Variants in OR1B1 observed in about 807,000 individuals in gnomAD.
OR1B1 encodes the protein olfactory receptor family 1 subfamily B member 1, also known as olfactory receptor 1B1.
For missense variants in OR1B1, 414 were observed against 402.1 expected (o/e 1.03, Z -0.25); for synonymous variants, 168 against 156.2 (o/e 1.08, Z -0.57).
chr9:122,628,670 G>T, exon 1 of OR1B1: 1 of 1,613,976 alleles, frequency 6.2e-7, no homozygotes, highest in Non-Finnish European at 8.5e-7. Flanking sequence ...GTTGGCCAAA[G>T]GTGTAATGGC....
the OR1B1 span, among the ~76,000 whole-genome samples, chr9:122,649,336 G>C: frequency 6.6e-6 from 1 of 152,158 alleles, no homozygotes; most frequent in Non-Finnish European, 1.5e-5. Context: ...CAGGACATAG[G>C]CATGGGCAAA....
the OR1B1 span, among the ~76,000 whole-genome samples, chr9:122,652,241 C>T: frequency 1.3e-5 from 2 of 152,122 alleles, no homozygotes; most frequent in Non-Finnish European, 2.9e-5. Flanking sequence ...TACAACTTAC[C>T]TACTTCTAAA....
chr9:122,634,275 G>T (rs1587982056), upstream of OR1B1, among the ~76,000 whole-genome samples: 2 of 151,302 alleles, frequency 1.3e-5, no homozygotes, highest in Non-Finnish European at 1.5e-5. Context: ...TGTGGAGGTT[G>T]TGGTGAGCAG....
At chr9:122,639,383 A>G in the OR1B1 span, among the ~76,000 whole-genome samples, 2 of 152,158 alleles carry the variant, frequency 1.3e-5, no homozygotes, top group African/African-American at 4.8e-5. Flanking sequence ...TATTGGATAT[A>G]GCTTTGGTTC....
exon 1 of OR1B1, chr9:122,629,504 G>C (rs1703791647): frequency 6.2e-7 from 1 of 1,611,304 alleles, no homozygotes; most frequent in Non-Finnish European, 8.5e-7. Flanking sequence ...AAAAACCGGA[G>C]AGTGTGAAGC....
chr9:122,629,775 A>G (rs1830188310), upstream of OR1B1, among the ~76,000 whole-genome samples: 1 of 152,154 alleles, frequency 6.6e-6, no homozygotes, highest in South Asian at 2.1e-4. Flanking sequence ...TGTTCCATCT[A>G]ATTCACAAGC....
upstream of OR1B1, among the ~76,000 whole-genome samples, chr9:122,631,640 A>G (rs1457437349): frequency 6.6e-6 from 1 of 152,230 alleles, no homozygotes; most frequent in Non-Finnish European, 1.5e-5. Flanking sequence ...AGGGCATCAC[A>G]TCAGTCTTCA....
At chr9:122,632,384 TAGAC>T (rs1830211513), upstream of OR1B1, among the ~76,000 whole-genome samples, 1 of 152,206 alleles carries the variant, frequency 6.6e-6, no homozygotes, top group Non-Finnish European at 1.5e-5. Flanking sequence ...ATGGATGGGT[TAGAC>T]AGTGGCTGAA....
chr9:122,636,160 G>A, the OR1B1 span, among the ~76,000 whole-genome samples: 1 of 152,202 alleles, frequency 6.6e-6, no homozygotes, highest in Non-Finnish European at 1.5e-5. Flanking sequence ...ACTTCACCAA[G>A]TCCCTGCACG....
the OR1B1 span, among the ~76,000 whole-genome samples, chr9:122,647,991 T>C: frequency 2.3e-4 from 35 of 152,288 alleles, no homozygotes; most frequent in African/African-American, 7.9e-4. Context: ...TGCTTTGTTT[T>C]CACAATCAGT....
upstream of OR1B1, chr9:122,629,644 C>G: frequency 1.5e-6 from 1 of 688,322 alleles, no homozygotes; most frequent in East Asian, 2.5e-5. Flanking sequence ...TACTAAAGAT[C>G]GTTAAAGACC....
chr9:122,629,139 G>A, exon 1 of OR1B1: 3 of 1,614,106 alleles, frequency 1.9e-6, no homozygotes, highest in Non-Finnish European at 2.5e-6. Flanking sequence ...AAAGCATAGT[G>A]CAGGGGGTCA....
At chr9:122,642,774 TG>T in the OR1B1 span, among the ~76,000 whole-genome samples, 1 of 152,186 alleles carries the variant, frequency 6.6e-6, no homozygotes, top group African/African-American at 2.4e-5. Context: ...AAGTAAATCA[TG>T]ATGTAATCAC....
chr9:122,648,384 A>C, the OR1B1 span, among the ~76,000 whole-genome samples: 1 of 152,208 alleles, frequency 6.6e-6, no homozygotes, highest in Non-Finnish European at 1.5e-5. Flanking sequence ...ACACTAAATA[A>C]ACATGGTATT....
At chr9:122,634,939 A>G in the OR1B1 span, among the ~76,000 whole-genome samples, 4 of 152,338 alleles carry the variant, frequency 2.6e-5, no homozygotes, top group African/African-American at 9.6e-5. Context: ...AGGAATGTAA[A>G]TTGGTGCATC....
At chr9:122,651,281 T>C in the OR1B1 span, among the ~76,000 whole-genome samples, 2 of 152,216 alleles carry the variant, frequency 1.3e-5, no homozygotes, top group Non-Finnish European at 2.9e-5. Flanking sequence ...GTAATTAGCA[T>C]ATCCATCATC....
At chr9:122,655,283 A>G in the OR1B1 span, among the ~76,000 whole-genome samples, 1 of 152,094 alleles carries the variant, frequency 6.6e-6, no homozygotes, top group Admixed American at 6.5e-5. Context: ...TTCCCCACAG[A>G]TCTATCTTCC....
chr9:122,641,889 A>AT, the OR1B1 span, among the ~76,000 whole-genome samples: 5 of 152,170 alleles, frequency 3.3e-5, no homozygotes, highest in South Asian at 2.1e-4. Flanking sequence ...GAAAAATATA[A>AT]TTTTTTTAAA....
chr9:122,648,532 C>A, the OR1B1 span, among the ~76,000 whole-genome samples: 1 of 151,922 alleles, frequency 6.6e-6, no homozygotes, highest in Non-Finnish European at 1.5e-5. Context: ...CACTCCTATT[C>A]AGTAATTGTT....
Sources: allele counts gnomAD v4.1 joint callset (sites outside exome capture counted in the v4.1 genomes callset), GRCh38; gene constraint gnomAD v4.1.1; transcripts MANE v1.5; gene names NCBI Gene and HGNC (gene_info 2026-07-23, HGNC 2026-07-21).